KCTD16: variants seen among roughly 807,000 people sequenced by gnomAD.
KCTD16 encodes the protein potassium channel tetramerization domain containing 16.
A neutral mutation model predicts 33.2 loss-of-function variants in KCTD16; 13 were observed. That is an observed-to-expected ratio of 0.39 (90% confidence interval 0.25 to 0.62). KCTD16 has a LOEUF of 0.62. KCTD16 is among the 20% of genes least tolerant of loss of function. The pLI is 0.50. For missense variants in KCTD16, 441 were observed against 525.1 expected, an observed-to-expected ratio of 0.84 and a Z score of 1.57; for synonymous variants, 197 against 195.3, an observed-to-expected ratio of 1.01 and a Z score of -0.07.
intron 3 of KCTD16, among the ~76,000 whole-genome samples, chr5:144,311,908 T>C (rs1310558692): frequency 9.2e-5 from 14 of 152,168 alleles, no homozygotes. Flanking sequence ...TTAATGAATA[T>C]TCTGGAGAAA....
chr5:144,251,063 A>T (rs1754686684), intron 3 of KCTD16, among the ~76,000 whole-genome samples: 1 of 152,158 alleles, frequency 6.6e-6, no homozygotes, highest in South Asian at 2.1e-4. Context: ...AAAGTTCAGG[A>T]TGTATGGGGA....
intron 3 of KCTD16, among the ~76,000 whole-genome samples, chr5:144,371,735 A>G (rs1751971386): frequency 6.6e-6 from 1 of 151,934 alleles, no homozygotes; most frequent in Non-Finnish European, 1.5e-5. Flanking sequence ...TTCATCTTGG[A>G]TGCTGTCTTT....
At chr5:144,191,758 C>T (rs1752845987) in intron 2 of KCTD16, among the ~76,000 whole-genome samples, 1 of 151,940 alleles carries the variant, frequency 6.6e-6, no homozygotes, top group South Asian at 2.1e-4. Context: ...CCCTGTTTTT[C>T]TATGCATCTC....
chr5:144,319,668 G>C (rs1165201462), intron 3 of KCTD16, among the ~76,000 whole-genome samples: 1 of 152,154 alleles, frequency 6.6e-6, no homozygotes. Flanking sequence ...AGAATGTTAT[G>C]TCATGGCTTA....
intron 3 of KCTD16, among the ~76,000 whole-genome samples, chr5:144,341,652 A>C (rs1404948767): frequency 1.3e-5 from 2 of 152,182 alleles, no homozygotes; most frequent in Non-Finnish European, 2.9e-5. Context: ...GCACAAGTTC[A>C]CCGATTCCCA....
chr5:144,418,435 G>A (rs927329792), intron 3 of KCTD16, among the ~76,000 whole-genome samples: 4 of 152,092 alleles, frequency 2.6e-5, no homozygotes, highest in African/African-American at 9.7e-5. Context: ...TTTTTACAGA[G>A]TGCTGATTGG....
chr5:144,466,058 C>T (rs977995029), intron 3 of KCTD16, among the ~76,000 whole-genome samples: 3 of 151,982 alleles, frequency 2.0e-5, no homozygotes, highest in Admixed American at 1.3e-4. Flanking sequence ...AGGCTGGTCT[C>T]GAACTCCTGA....
intron 2 of KCTD16, among the ~76,000 whole-genome samples, chr5:144,201,637 G>T (rs1324060880): frequency 2.0e-5 from 3 of 152,142 alleles, no homozygotes; most frequent in Non-Finnish European, 4.4e-5. Context: ...TCTTTTTATT[G>T]CCACCATACC....
intron 3 of KCTD16, among the ~76,000 whole-genome samples, chr5:144,404,129 C>A (rs1752762662): frequency 6.6e-6 from 1 of 152,130 alleles, no homozygotes. Context: ...ATGCTCTACT[C>A]AATTCATTTA....
chr5:144,310,689 A>T (rs1751742052), intron 3 of KCTD16, among the ~76,000 whole-genome samples: 1 of 152,154 alleles, frequency 6.6e-6, no homozygotes, highest in Non-Finnish European at 1.5e-5. Flanking sequence ...TCTCAAACAT[A>T]CAGAGCTGTT....
chr5:144,407,687 C>T (rs1456327638), intron 3 of KCTD16, among the ~76,000 whole-genome samples: 1 of 152,096 alleles, frequency 6.6e-6, no homozygotes, highest in South Asian at 2.1e-4. Context: ...AATGCTTTCC[C>T]TCTCCTTGCC....
At chr5:144,373,872 C>T (rs1427798646) in intron 3 of KCTD16, among the ~76,000 whole-genome samples, 1 of 152,176 alleles carries the variant, frequency 6.6e-6, no homozygotes, top group African/African-American at 2.4e-5. Context: ...TTTCCTATGG[C>T]TTCTGTAGCA....
At chr5:144,347,167 A>G (rs1205240320) in intron 3 of KCTD16, among the ~76,000 whole-genome samples, 1 of 152,244 alleles carries the variant, frequency 6.6e-6, no homozygotes, top group Admixed American at 6.5e-5. Flanking sequence ...CCATGTGGCC[A>G]TTGAGCACGT....
intron 3 of KCTD16, among the ~76,000 whole-genome samples, chr5:144,267,420 T>C (rs1755174778): frequency 6.6e-6 from 1 of 152,196 alleles, no homozygotes; most frequent in South Asian, 2.1e-4. Flanking sequence ...CACTTTAAAA[T>C]GCTGGTTGTT....
chr5:144,325,109 G>A (rs374934750), intron 3 of KCTD16, among the ~76,000 whole-genome samples: 3 of 152,166 alleles, frequency 2.0e-5, no homozygotes, highest in South Asian at 4.1e-4. Context: ...CTGTCTTTGT[G>A]TGCTATCCAT....
At chr5:144,221,097 T>C (rs569428521) in intron 3 of KCTD16, among the ~76,000 whole-genome samples, 2 of 152,166 alleles carry the variant, frequency 1.3e-5, no homozygotes, top group South Asian at 4.1e-4. Context: ...GAATGGTAGA[T>C]CTATGTAACT....
chr5:144,441,048 T>C (rs776723115), intron 3 of KCTD16, among the ~76,000 whole-genome samples: 4 of 152,146 alleles, frequency 2.6e-5, no homozygotes, highest in Non-Finnish European at 5.9e-5. Context: ...TTTTTTGATG[T>C]GTTTATTGAC....
chr5:144,430,393 C>G (rs1753431345), intron 3 of KCTD16, among the ~76,000 whole-genome samples: 1 of 152,196 alleles, frequency 6.6e-6, no homozygotes, highest in East Asian at 1.9e-4. Flanking sequence ...GATGAGTTCT[C>G]TGTGCTTGTG....
At chr5:144,394,173 C>T (rs1427114368) in intron 3 of KCTD16, among the ~76,000 whole-genome samples, 1 of 152,088 alleles carries the variant, frequency 6.6e-6, no homozygotes, top group African/African-American at 2.4e-5. Context: ...ATCTTCTTGC[C>T]AGATGGAAAT....
Sources: gnomAD v4.1 joint callset for allele counts (sites outside exome capture counted in the v4.1 genomes callset) on GRCh38, gnomAD v4.1.1 for gene constraint, MANE v1.5 for transcripts, NCBI Gene and HGNC (gene_info 2026-07-23, HGNC 2026-07-21) for gene names.